Variants in MCPH1 observed in about 807,000 individuals in gnomAD.
MCPH1 encodes microcephalin.
MCPH1 carries 104 observed loss-of-function variants against 84.5 expected under a neutral mutation model. The observed-to-expected ratio is 1.23, with a 90% CI of 1.05 to 1.45. MCPH1 has a LOEUF of 1.45. Ranked by LOEUF, MCPH1 falls within the 40% of genes most tolerant of loss-of-function variation. MCPH1 has a pLI of 0.00. For missense variants in MCPH1, 1,498 were observed against 1,005.7 expected, an observed-to-expected ratio of 1.49 and a Z score of -6.62; for synonymous variants, 514 against 366.8, an observed-to-expected ratio of 1.40 and a Z score of -4.58.
At chr8:6,611,679 C>T (rs1467364628) in intron 12 of MCPH1, among the ~76,000 whole-genome samples, 4 of 152,104 alleles carry the variant, frequency 2.6e-5, no homozygotes, top group African/African-American at 7.2e-5. Context: ...AGTGCAGTGG[C>T]GCCATCTCAG....
intron 11 of MCPH1, among the ~76,000 whole-genome samples, chr8:6,489,513 AAGC>A (rs1810328452): frequency 6.6e-6 from 1 of 152,232 alleles, no homozygotes; most frequent in African/African-American, 2.4e-5. Context: ...ACCTTGAAAA[AAGC>A]AGGATGAATC....
chr8:6,618,876 C>T (rs530873755), intron 12 of MCPH1: 16 of 152,286 alleles, frequency 1.1e-4, no homozygotes, highest in Admixed American at 7.8e-4. Flanking sequence ...CAAGGCTTTC[C>T]GCCTTCCCAC....
intron 13 of MCPH1, chr8:6,625,691 G>A (rs1832001080): frequency 1.0e-6 from 1 of 983,130 alleles, no homozygotes; most frequent in Non-Finnish European, 1.2e-6. Flanking sequence ...TAGCTACGTG[G>A]GAGCTTGGCT....
At chr8:6,453,550 G>A (rs899276595) in intron 8 of MCPH1, among the ~76,000 whole-genome samples, 5 of 152,096 alleles carry the variant, frequency 3.3e-5, no homozygotes, top group African/African-American at 1.2e-4. Flanking sequence ...AATACACTAG[G>A]AAGCTGCAAA....
intron 12 of MCPH1, among the ~76,000 whole-genome samples, chr8:6,613,264 G>A (rs933875400): frequency 6.6e-6 from 1 of 152,224 alleles, no homozygotes; most frequent in East Asian, 1.9e-4. Flanking sequence ...CAGAGGAGGG[G>A]AGGACGAGCC....
rs116650038 is a variant in MCPH1 at position 6,447,163 on chromosome 8, G to T, written c.1825+1616G>T. 2.9e-3 allele frequency: 2,869 copies of T among 985,342 alleles called. 57 individuals carry two copies. In the African/African-American group the frequency reaches 0.044, roughly 15 times the overall value. The allele number at this position is 985,342 out of a possible 1,614,324, so 61.0% of individuals were successfully genotyped here. Reference sequence around the variant, plus strand: ...ACCTACATGTTGGCTAGCCTAAATCGAACCCTTTTATAGTAATAAAGATTC... The same window carrying T: ...ACCTACATGTTGGCTAGCCTAAATCTAACCCTTTTATAGTAATAAAGATTC... On this transcript the variant is annotated intron_variant, in intron 8 of 13. Transcript: ENST00000344683.
chr8:6,547,075 TAATG>T (rs1822731604), intron 12 of MCPH1, among the ~76,000 whole-genome samples: 1 of 152,088 alleles, frequency 6.6e-6, no homozygotes, highest in Admixed American at 6.5e-5. Context: ...GCCTTCGGGC[TAATG>T]CGTTTTTGGA....
intron 2 of MCPH1, among the ~76,000 whole-genome samples, chr8:6,411,944 A>C (rs1798595444): frequency 6.6e-6 from 1 of 152,074 alleles, no homozygotes; most frequent in South Asian, 2.1e-4. Flanking sequence ...GGCATTTGGG[A>C]GGGGCTGACT....
At chr8:6,558,163 C>T (rs773668588) in intron 12 of MCPH1, among the ~76,000 whole-genome samples, 3 of 152,034 alleles carry the variant, frequency 2.0e-5, no homozygotes, top group East Asian at 1.9e-4. Context: ...TGCCACTGTA[C>T]GTGTTTTAAA....
intron 5 of MCPH1, among the ~76,000 whole-genome samples, chr8:6,437,619 T>A (rs1487431877): frequency 6.6e-6 from 1 of 152,200 alleles, no homozygotes; most frequent in Non-Finnish European, 1.5e-5. Context: ...TCCAGAAACA[T>A]GGCCTGCATC....
chr8:6,414,516 C>T (rs938475338), intron 2 of MCPH1, among the ~76,000 whole-genome samples: 10 of 152,166 alleles, frequency 6.6e-5, no homozygotes, highest in African/African-American at 2.4e-4. Flanking sequence ...TTTATCCTTG[C>T]AGGGCTCCAA....
At chr8:6,449,549 C>G (rs1483887180) in intron 8 of MCPH1, among the ~76,000 whole-genome samples, 3 of 152,006 alleles carry the variant, frequency 2.0e-5, no homozygotes, top group Admixed American at 2.0e-4. Flanking sequence ...AGGAGAATCA[C>G]TTGAACCCAG....
intron 13 of MCPH1, among the ~76,000 whole-genome samples, chr8:6,633,710 G>A (rs757516742): frequency 6.6e-6 from 1 of 152,110 alleles, no homozygotes; most frequent in Non-Finnish European, 1.5e-5. Context: ...GTAATAAAAT[G>A]GCACGTGTGC....
At chr8:6,629,810 G>T (rs13256011) in intron 13 of MCPH1, among the ~76,000 whole-genome samples, 5,122 of 152,316 alleles carry the variant, frequency 0.034, 224 homozygotes, top group East Asian at 0.24. Context: ...CCAGAGTCAT[G>T]CAGTGAATTA....
At chr8:6,467,209 G>C (rs1001352237) in intron 9 of MCPH1, among the ~76,000 whole-genome samples, 6 of 152,152 alleles carry the variant, frequency 3.9e-5, no homozygotes, top group African/African-American at 1.4e-4. Context: ...AGTCTGTATA[G>C]GAAAAGAATA....
chr8:6,576,498 T>TCCTTTCCCCTTC (rs1554462024), intron 12 of MCPH1, among the ~76,000 whole-genome samples: 10 of 139,712 alleles, frequency 7.2e-5, no homozygotes, highest in African/African-American at 2.7e-4. Flanking sequence ...CTTTTCCCTT[T>TCCTTTCCCCTTC]CCCTTCCCCT....
In MCPH1 at chr8:6,643,157, G is replaced by A. The variant is rs1268229871; in HGVS notation, c.*108G>A. 4.3e-6 allele frequency: 4 copies of A among 923,982 alleles called. No individual in the cohort carries two copies. Among genetic ancestry groups the A allele is most frequent in the Admixed American group, 3.9e-5 (2 of 51,658 alleles). The allele number at this position is 923,982 out of a possible 1,614,324, so 57.2% of individuals were successfully genotyped here. On this transcript the variant is annotated 3_prime_UTR_variant, in exon 14 of 14. Coordinates refer to ENST00000344683, the MANE Select transcript of MCPH1 (RefSeq NM_024596.5). ...GAGAAGGAACTGGCGTATACAAGAT[G>A]ACTTCTGATATCATGTTTGCCATGT...
chr8:6,562,817 A>C (rs1305896520), intron 12 of MCPH1: 2 of 1,612,946 alleles, frequency 1.2e-6, no homozygotes, highest in Admixed American at 3.3e-5. Flanking sequence ...TAGCTGCAGG[A>C]CCCATGCTGG....
chr8:6,483,806 G>C (rs144823828), intron 11 of MCPH1, among the ~76,000 whole-genome samples: 1 of 152,080 alleles, frequency 6.6e-6, no homozygotes, highest in African/African-American at 2.4e-5. Flanking sequence ...GTTGCAAAGA[G>C]CCAATACCAT....
Sources: gnomAD v4.1 joint callset for allele counts (sites outside exome capture counted in the v4.1 genomes callset) on GRCh38, gnomAD v4.1.1 for gene constraint, MANE v1.5 for transcripts, NCBI Gene and HGNC (gene_info 2026-07-23, HGNC 2026-07-21) for gene names.